Variants in SAXO5 observed in about 807,000 individuals in gnomAD.
SAXO5 encodes stabilizer of axonemal microtubules 5, also known as testis expressed 45.
At chr19:7,506,171 C>G in the SAXO5 span, 1 of 1,596,756 alleles carries the variant, frequency 6.3e-7, no homozygotes, top group Non-Finnish European at 8.5e-7. Flanking sequence ...GGGCGGTGAG[C>G]GCTCCCGGGA....
chr19:7,500,302 GA>G, the SAXO5 span, among the ~76,000 whole-genome samples: 5 of 151,096 alleles, frequency 3.3e-5, no homozygotes, highest in East Asian at 2.0e-4. Flanking sequence ...CCACATGAAA[GA>G]TTTTTTTTTA....
At chr19:7,504,345 T>C in the SAXO5 span, 1 of 1,614,150 alleles carries the variant, frequency 6.2e-7, no homozygotes, top group East Asian at 2.2e-5. Flanking sequence ...GACTGCAAGA[T>C]CAGCTATGGA....
the SAXO5 span, among the ~76,000 whole-genome samples, chr19:7,499,136 A>AC: frequency 6.6e-6 from 1 of 151,638 alleles, no homozygotes; most frequent in Non-Finnish European, 1.5e-5. Context: ...ATGTGGTGAA[A>AC]CCCCGTCTCT....
chr19:7,508,142 G>C, the SAXO5 span: 1 of 1,389,602 alleles, frequency 7.2e-7, no homozygotes, highest in African/African-American at 1.4e-5. Context: ...AGATCCTGGG[G>C]TGGACAGGGT....
At chr19:7,507,794 T>C in the SAXO5 span, among the ~76,000 whole-genome samples, 3 of 152,106 alleles carry the variant, frequency 2.0e-5, no homozygotes, top group African/African-American at 7.2e-5. Context: ...CAGCCCAGCC[T>C]GGGGCCCTTT....
At chr19:7,507,028 ACT>A in the SAXO5 span, 2 of 1,598,518 alleles carry the variant, frequency 1.3e-6, no homozygotes, top group East Asian at 4.5e-5. Context: ...CACAGCCCTC[ACT>A]CAGCCTCCCC....
the SAXO5 span, among the ~76,000 whole-genome samples, chr19:7,504,891 G>A: frequency 6.6e-6 from 1 of 151,862 alleles, no homozygotes; most frequent in Non-Finnish European, 1.5e-5. Context: ...GAGCCCCACA[G>A]CTTGGTCATT....
At chr19:7,503,062 A>C in the SAXO5 span, among the ~76,000 whole-genome samples, 2 of 152,160 alleles carry the variant, frequency 1.3e-5, no homozygotes, top group Admixed American at 1.3e-4. Flanking sequence ...AAATGATACC[A>C]GGTCCAAGAA....
the SAXO5 span, chr19:7,505,560 C>T: frequency 1.2e-6 from 2 of 1,614,178 alleles, no homozygotes; most frequent in Admixed American, 3.3e-5. Flanking sequence ...AGTCGCACAT[C>T]CTGAAAGGAA....
chr19:7,500,858 G>T, the SAXO5 span: 2 of 1,542,926 alleles, frequency 1.3e-6, no homozygotes, highest in Admixed American at 3.8e-5. Flanking sequence ...GCTCGCGCCC[G>T]TGCCCGATGT....
chr19:7,500,888 G>A, the SAXO5 span: 1 of 1,572,538 alleles, frequency 6.4e-7, no homozygotes, highest in Non-Finnish European at 8.6e-7. Flanking sequence ...ACTTCCTCAA[G>A]GCCTCGCACT....
At chr19:7,505,074 C>T in the SAXO5 span, among the ~76,000 whole-genome samples, 1 of 151,736 alleles carries the variant, frequency 6.6e-6, no homozygotes, top group African/African-American at 2.4e-5. Context: ...ACCTCCGCCT[C>T]CCGGGTTCAA....
chr19:7,504,303 G>T, the SAXO5 span: 4 of 1,614,172 alleles, frequency 2.5e-6, no homozygotes, highest in South Asian at 1.1e-5. Context: ...ATCCCTGTCT[G>T]CCCACAGGCC....
At chr19:7,508,412 G>C in the SAXO5 span, 1 of 1,610,516 alleles carries the variant, frequency 6.2e-7, no homozygotes, top group Non-Finnish European at 8.5e-7. Flanking sequence ...CTATGTACCT[G>C]TGCCCCAGCC....
At chr19:7,505,915 CG>C in the SAXO5 span, 14 of 1,521,922 alleles carry the variant, frequency 9.2e-6, no homozygotes, top group Non-Finnish European at 1.2e-5. Context: ...CCCCCGGGCC[CG>C]GGGACCTCTC....
chr19:7,506,264 GC>G, the SAXO5 span: 2 of 904,192 alleles, frequency 2.2e-6, no homozygotes, highest in Non-Finnish European at 3.0e-6. Flanking sequence ...ATGGAGCCCC[GC>G]CCCCACGGAG....
chr19:7,504,430 G>A, the SAXO5 span: 103 of 1,596,564 alleles, frequency 6.5e-5, no homozygotes, highest in East Asian at 5.4e-4. Flanking sequence ...GGGCCACTGC[G>A]GGCACGGTGG....
chr19:7,501,088 C>T, the SAXO5 span: 2 of 1,500,004 alleles, frequency 1.3e-6, no homozygotes, highest in Non-Finnish European at 1.8e-6. Context: ...TTCCCGCCGC[C>T]ATCCACGCCG....
chr19:7,506,772 C>G, the SAXO5 span: 2 of 441,684 alleles, frequency 4.5e-6, no homozygotes, highest in Non-Finnish European at 8.2e-6. Context: ...TCCCCAGCTC[C>G]TCTCTCCTCC....
Sources: gnomAD v4.1 joint callset for allele counts (sites outside exome capture counted in the v4.1 genomes callset) on GRCh38, gnomAD v4.1.1 for gene constraint, MANE v1.5 for transcripts, NCBI Gene and HGNC (gene_info 2026-07-23, HGNC 2026-07-21) for gene names.